KCNIP4: variants seen among roughly 807,000 people sequenced by gnomAD.
KCNIP4 encodes potassium voltage-gated channel interacting protein 4.
In KCNIP4, 12 loss-of-function variants were observed where a neutral mutation model predicts 34.0. That is an observed-to-expected ratio of 0.35 (90% CI 0.23 to 0.57). The LOEUF is 0.57. Among genes scored for constraint, KCNIP4 ranks in the 20% least tolerant of loss-of-function variants. KCNIP4 has a pLI of 0.83. For synonymous variants in KCNIP4, 124 were observed against 102.2 expected (o/e 1.21, Z -1.29); for missense variants, 238 against 311.7 (o/e 0.76, Z 1.78).
intron 1 of KCNIP4, among the ~76,000 whole-genome samples, chr4:21,244,731 T>G (rs1218244286): frequency 6.6e-6 from 1 of 152,220 alleles, no homozygotes; most frequent in African/African-American, 2.4e-5. Flanking sequence ...TAGAATATGT[T>G]TCAGTTTTTA....
At chr4:21,273,718 C>T (rs545577588) in intron 1 of KCNIP4, among the ~76,000 whole-genome samples, 1 of 152,154 alleles carries the variant, frequency 6.6e-6, no homozygotes, top group Non-Finnish European at 1.5e-5. Flanking sequence ...GAAGCTGCTG[C>T]AATTCTTCCA....
At chr4:21,911,604 T>TCACACACACA (rs149500330) in intron 1 of KCNIP4, among the ~76,000 whole-genome samples, 12 of 129,992 alleles carry the variant, frequency 9.2e-5, no homozygotes, top group African/African-American at 3.0e-4. Flanking sequence ...GAATTGATAT[T>TCACACACACA]CACACACACA....
At chr4:20,767,033 T>A (rs1475974293) in intron 3 of KCNIP4, 1 of 152,182 alleles carries the variant, frequency 6.6e-6, no homozygotes, top group Non-Finnish European at 1.5e-5. Context: ...ACCTTACACA[T>A]CATATTTGGT....
intron 1 of KCNIP4, among the ~76,000 whole-genome samples, chr4:21,473,715 CTT>C (rs572883935): frequency 1.2e-4 from 16 of 138,148 alleles, no homozygotes; most frequent in East Asian, 2.1e-4. Flanking sequence ...ACTGAGAATT[CTT>C]TTTTTTTTTT....
chr4:20,802,785 A>T (rs909470094), intron 3 of KCNIP4, among the ~76,000 whole-genome samples: 1 of 152,226 alleles, frequency 6.6e-6, no homozygotes, highest in Non-Finnish European at 1.5e-5. Flanking sequence ...AATTTTAAAA[A>T]TATCTTGAAG....
At chr4:21,509,510 G>T (rs967328686) in intron 1 of KCNIP4, among the ~76,000 whole-genome samples, 1 of 152,060 alleles carries the variant, frequency 6.6e-6, no homozygotes, top group African/African-American at 2.4e-5. Context: ...GCATTTGCTG[G>T]AACAAGAGTG....
At chr4:20,940,040 G>A (rs747323987) in intron 1 of KCNIP4, among the ~76,000 whole-genome samples, 4 of 152,038 alleles carry the variant, frequency 2.6e-5, no homozygotes, top group Non-Finnish European at 5.9e-5. Flanking sequence ...TCTTACAACT[G>A]CCTGACTTGT....
intron 1 of KCNIP4, among the ~76,000 whole-genome samples, chr4:21,710,345 G>A (rs556828976): frequency 2.0e-5 from 3 of 152,198 alleles, no homozygotes; most frequent in East Asian, 3.9e-4. Flanking sequence ...TCAGAGAAGC[G>A]TGATTAAATA....
intron 1 of KCNIP4, among the ~76,000 whole-genome samples, chr4:21,464,341 A>G (rs1229438427): frequency 6.6e-6 from 1 of 151,878 alleles, no homozygotes; most frequent in African/African-American, 2.4e-5. Context: ...GTAGTTATAA[A>G]TTTCTCTGTA....
chr4:21,840,539 C>A (rs1723614049), intron 1 of KCNIP4, among the ~76,000 whole-genome samples: 1 of 152,104 alleles, frequency 6.6e-6, no homozygotes, highest in Admixed American at 6.6e-5. Context: ...TTTCTTCTGA[C>A]CAACTTACAT....
chr4:21,902,025 T>C (rs1288805944), intron 1 of KCNIP4, among the ~76,000 whole-genome samples: 2 of 152,198 alleles, frequency 1.3e-5, no homozygotes, highest in African/African-American at 4.8e-5. Flanking sequence ...ACAAACTGTG[T>C]CTGAGTCATT....
At chr4:21,707,932 TACACAC>T (rs3050896) in intron 1 of KCNIP4, among the ~76,000 whole-genome samples, 74,483 of 146,786 alleles carry the variant, frequency 0.51, 19,478 homozygotes, top group Non-Finnish European at 0.59. Context: ...AACACACACA[TACACAC>T]ACACACACAC....
intron 3 of KCNIP4, among the ~76,000 whole-genome samples, chr4:20,824,969 A>G (rs1717554768): frequency 6.6e-6 from 1 of 152,160 alleles, no homozygotes; most frequent in Admixed American, 6.5e-5. Context: ...TTTGGATCCC[A>G]TATGCTCTGG....
intron 1 of KCNIP4, among the ~76,000 whole-genome samples, chr4:20,939,707 A>C (rs1420591436): frequency 1.3e-5 from 2 of 152,088 alleles, no homozygotes; most frequent in African/African-American, 4.8e-5. Flanking sequence ...CAGCACATAC[A>C]TCTGTGCTTC....
chr4:21,784,196 T>C (rs1370028370), intron 1 of KCNIP4, among the ~76,000 whole-genome samples: 4 of 152,146 alleles, frequency 2.6e-5, no homozygotes, highest in Non-Finnish European at 5.9e-5. Context: ...GAGAACCCAC[T>C]CACTATCACG....
chr4:21,043,314 T>C (rs932484081), intron 1 of KCNIP4, among the ~76,000 whole-genome samples: 2 of 152,128 alleles, frequency 1.3e-5, no homozygotes, highest in African/African-American at 4.8e-5. Context: ...TTATGTTTTA[T>C]TTGTATTTGT....
intron 1 of KCNIP4, among the ~76,000 whole-genome samples, chr4:21,234,068 A>T (rs1304076003): frequency 9.1e-6 from 1 of 110,380 alleles, no homozygotes; most frequent in East Asian, 2.3e-4. Flanking sequence ...CATATATAAC[A>T]TAACATAACA....
intron 1 of KCNIP4, among the ~76,000 whole-genome samples, chr4:20,986,958 C>T (rs931865175): frequency 9.2e-5 from 14 of 152,080 alleles, no homozygotes; most frequent in African/African-American, 1.4e-4. Context: ...CTGTGGCTAC[C>T]GGATCGAATC....
Position 21,420,301 on chromosome 4 carries a change from C to T in KCNIP4, c.61+528270G>A, listed in dbSNP as rs141709053. Among the ~76,000 whole-genome samples the T allele has an allele frequency of 3.4e-3, 520 of 152,286 alleles. 3 individuals carry two copies. The highest frequency in any genetic ancestry group is 0.012 in the African/African-American group (481 of 41,568). On this transcript the variant is annotated intron_variant, in intron 1 of 8. Coordinates refer to ENST00000382152, the MANE Select transcript of KCNIP4 (RefSeq NM_025221.6). ...TGTATCCCTACATTTCTCCCCCTCCCACTGCCACCTCTGTACTTCACTGCA... is the reference window on the plus strand; with the variant it reads ...TGTATCCCTACATTTCTCCCCCTCCTACTGCCACCTCTGTACTTCACTGCA...
Sources: gnomAD v4.1 joint callset for allele counts (sites outside exome capture counted in the v4.1 genomes callset) on GRCh38, gnomAD v4.1.1 for gene constraint, MANE v1.5 for transcripts, NCBI Gene and HGNC (gene_info 2026-07-23, HGNC 2026-07-21) for gene names.